PCDHA3: variants seen among roughly 807,000 people sequenced by gnomAD.
PCDHA3 encodes protocadherin alpha 3, also known as protocadherin alpha-3.
In PCDHA3, 41 loss-of-function variants were observed where a neutral mutation model predicts 62.2. That is an observed-to-expected ratio of 0.66 (90% CI 0.51 to 0.86). PCDHA3 has a LOEUF of 0.86. PCDHA3 is among the 40% of genes least tolerant of loss of function. PCDHA3 has a pLI of 0.00. For missense variants in PCDHA3, 1,304 were observed against 1,241.2 expected (o/e 1.05, Z -0.76); for synonymous variants, 640 against 555.4 (o/e 1.15, Z -2.14).
chr5:140,901,546 T>C (rs2068734079), intron 1 of PCDHA3, among the ~76,000 whole-genome samples: 1 of 152,212 alleles, frequency 6.6e-6, no homozygotes, highest in Non-Finnish European at 1.5e-5. Flanking sequence ...TCTATTCTGT[T>C]CCATTCATCT....
intron 2 of PCDHA3, among the ~76,000 whole-genome samples, chr5:140,981,149 G>T (rs2096919822): frequency 6.6e-6 from 1 of 152,202 alleles, no homozygotes; most frequent in South Asian, 2.1e-4. Flanking sequence ...AGAAAACATT[G>T]AACTTATATG....
intron 1 of PCDHA3, chr5:140,857,981 C>G (rs377577023): frequency 6.3e-7 from 1 of 1,596,978 alleles, no homozygotes; most frequent in Non-Finnish European, 8.6e-7. Flanking sequence ...GCCACGCCAG[C>G]GCCTACTGGT....
At chr5:140,882,225 C>T (rs782533520) in intron 1 of PCDHA3, 9 of 1,559,344 alleles carry the variant, frequency 5.8e-6, no homozygotes, top group Middle Eastern at 1.7e-4. Flanking sequence ...TGAGGTAAGG[C>T]GTTGTATATA....
At chr5:140,966,695 C>CGGGCGTG in intron 1 of PCDHA3, 1 of 1,358,486 alleles carries the variant, frequency 7.4e-7, no homozygotes, top group Non-Finnish European at 9.5e-7. Flanking sequence ...AGGCGGGGCC[C>CGGGCGTG]GGGCGTGGGG....
intron 1 of PCDHA3, among the ~76,000 whole-genome samples, chr5:140,840,617 T>C (rs2150308160): frequency 2.0e-5 from 3 of 152,150 alleles, no homozygotes; most frequent in African/African-American, 7.2e-5. Context: ...AGGCTGAATT[T>C]AACAAGCTAT....
At chr5:140,926,620 C>G in intron 1 of PCDHA3, 1 of 385,534 alleles carries the variant, frequency 2.6e-6, no homozygotes, top group Admixed American at 4.4e-5. Context: ...CACCCCTAGG[C>G]GGCGCTGCGC....
At chr5:140,829,409 A>C (rs2150167358) in intron 1 of PCDHA3, 48 of 1,614,026 alleles carry the variant, frequency 3.0e-5, no homozygotes, top group Non-Finnish European at 4.0e-5. Flanking sequence ...GGCCACCGCC[A>C]GCTTGTCTGT....
intron 3 of PCDHA3, among the ~76,000 whole-genome samples, chr5:141,002,404 C>T (rs1167193365): frequency 2.0e-5 from 3 of 152,200 alleles, no homozygotes; most frequent in African/African-American, 7.2e-5. Context: ...CTCTGTGCCT[C>T]CCAAATAGTA....
At chr5:140,868,898 T>C (rs2050724806) in intron 1 of PCDHA3, 1 of 800,434 alleles carries the variant, frequency 1.2e-6, no homozygotes, top group African/African-American at 1.7e-5. Flanking sequence ...GCGCAAGGTG[T>C]CGCTCTTTAC....
chr5:140,844,595 A>G (rs2150372413), intron 1 of PCDHA3, among the ~76,000 whole-genome samples: 1 of 149,668 alleles, frequency 6.7e-6, no homozygotes, highest in East Asian at 1.9e-4. Flanking sequence ...GATATTTAAT[A>G]TATGACTTAG....
rs182448614 is a variant in PCDHA3, at chr5:140,856,533, G to T, written c.2394+52942G>T. The T allele has an allele frequency of 3.4e-4, 545 of 1,598,390 alleles. 56 individuals carry two copies. The highest frequency in any genetic ancestry group is 4.4e-4 in the Non-Finnish European group (516 of 1,167,858). On this transcript the variant is annotated intron_variant, in intron 1 of 3. Transcript: ENST00000522353. ...GAAGGCGCATCTGATGCGGATGTTG[G>T]AGAGAACGCATTGCTTACTTACAAA... is the stretch of plus-strand genomic sequence containing the variant.
Position 140,821,939 on chromosome 5 carries a change from T to A in PCDHA3, c.2394+18348T>A, listed in dbSNP as rs1489594873. 36 of 1,614,162 alleles carry A rather than the reference T, an allele frequency of 2.2e-5. No homozygotes were observed. Among genetic ancestry groups the A allele is most frequent in the Non-Finnish European group, 2.7e-5 (32 of 1,180,042 alleles). ...ATCGCGCAGGACCTAGGGCTGGAGCTGGCGGAGCTGGTGCCGCGCCTGTTC... is the reference window on the plus strand; with the variant it reads ...ATCGCGCAGGACCTAGGGCTGGAGCAGGCGGAGCTGGTGCCGCGCCTGTTC... On this transcript the variant is annotated intron_variant, in intron 1 of 3. Coordinates refer to ENST00000522353, the MANE Select transcript of PCDHA3 (RefSeq NM_018906.3).
At chr5:140,869,764 G>A (rs1554163420) in intron 1 of PCDHA3, 4 of 1,613,244 alleles carry the variant, frequency 2.5e-6, no homozygotes, top group East Asian at 4.5e-5. Context: ...GGGAAAACCA[G>A]AGCTTACTGG....
At chr5:140,871,311 C>T (rs782501180) in intron 1 of PCDHA3, 9 of 1,613,922 alleles carry the variant, frequency 5.6e-6, no homozygotes, top group Non-Finnish European at 7.6e-6. Flanking sequence ...CGGGGAAGCC[C>T]ACGCTGGTGT....
intron 1 of PCDHA3, among the ~76,000 whole-genome samples, chr5:140,930,607 G>T (rs536411934): frequency 2.4e-4 from 36 of 152,252 alleles, no homozygotes; most frequent in African/African-American, 7.5e-4. Flanking sequence ...AATCCTAGAT[G>T]CAAGAGAAGG....
At chr5:140,983,992 C>A (rs2097080247) in intron 3 of PCDHA3, among the ~76,000 whole-genome samples, 1 of 152,200 alleles carries the variant, frequency 6.6e-6, no homozygotes, top group Non-Finnish European at 1.5e-5. Flanking sequence ...TGAAGCAATT[C>A]ATTAGAGAGC....
At chr5:140,962,312 A>G (rs2095671896) in intron 1 of PCDHA3, among the ~76,000 whole-genome samples, 1 of 152,204 alleles carries the variant, frequency 6.6e-6, no homozygotes, top group African/African-American at 2.4e-5. Context: ...TTGTTAGGCC[A>G]TCTCAATTGA....
At chr5:140,837,107 A>G (rs1774915292) in intron 1 of PCDHA3, 1 of 159,760 alleles carries the variant, frequency 6.3e-6, no homozygotes, top group Admixed American at 6.2e-5. Context: ...AATTTAATAT[A>G]TATGTTACCT....
At chr5:140,974,108 C>G (rs977903039) in intron 1 of PCDHA3, among the ~76,000 whole-genome samples, 1 of 152,182 alleles carries the variant, frequency 6.6e-6, no homozygotes, top group Non-Finnish European at 1.5e-5. Flanking sequence ...TAAAAGTATT[C>G]TTTTGCAGTG....
Sources: allele counts gnomAD v4.1 joint callset (sites outside exome capture counted in the v4.1 genomes callset), GRCh38; gene constraint gnomAD v4.1.1; transcripts MANE v1.5; gene names NCBI Gene and HGNC (gene_info 2026-07-23, HGNC 2026-07-21).